The following ZBTB5 variants were observed in gnomAD, a reference collection of about 807,000 sequenced individuals.
The protein encoded by ZBTB5 is zinc finger and BTB domain-containing protein 5.
In ZBTB5, 15 loss-of-function variants were observed where a neutral mutation model predicts 37.9. The ratio of observed to expected loss-of-function variants is 0.40; its 90% CI spans 0.26 to 0.61. ZBTB5 has a LOEUF of 0.61. Among genes scored for constraint, ZBTB5 ranks in the 20% least tolerant of loss-of-function variants. The pLI, the probability that ZBTB5 is intolerant of heterozygous loss-of-function variation, is 0.47. For missense variants in ZBTB5, 708 were observed against 856.8 expected (o/e 0.83, Z 2.17); for synonymous variants, 315 against 312.4 (o/e 1.01, Z -0.09).
Position 37,451,388 on chromosome 9 carries a change from A to G in ZBTB5, c.-4-8833T>C, listed in dbSNP as rs145226873. ...TTGAGACCAGCCTGACCAACATGGC[A>G]AAACCCTGTCTCTACAAAAATTAGC... On this transcript the variant is annotated intron_variant, in intron 1 of 1. Coordinates refer to ENST00000307750, the MANE Select transcript of ZBTB5 (RefSeq NM_014872.3). 1.9e-3 allele frequency among the ~76,000 whole-genome samples: 294 copies of G among 152,016 alleles called. 2 individuals carry two copies. The highest frequency in any genetic ancestry group is 6.8e-3 in the African/African-American group (280 of 41,450).
intron 1 of ZBTB5, among the ~76,000 whole-genome samples, chr9:37,446,061 C>T (rs1210781036): frequency 6.6e-6 from 1 of 152,094 alleles, no homozygotes; most frequent in African/African-American, 2.4e-5. Context: ...GAGCAAAGAT[C>T]GCTGCACTGC....
intron 1 of ZBTB5, among the ~76,000 whole-genome samples, chr9:37,443,739 TG>T (rs1487907567): frequency 6.6e-6 from 1 of 152,166 alleles, no homozygotes; most frequent in Non-Finnish European, 1.5e-5. Context: ...GAGACAAGCC[TG>T]GGCAACAAGG....
intron 1 of ZBTB5, 83 bp from the exon 2 acceptor site, chr9:37,442,638 A>C (rs1823907496): frequency 8.7e-7 from 1 of 1,143,956 alleles, no homozygotes. Context: ...AAAAGAGTGG[A>C]ATGGATGGCC....
chr9:37,454,080 A>G (rs1433527720), intron 1 of ZBTB5, among the ~76,000 whole-genome samples: 1 of 152,210 alleles, frequency 6.6e-6, no homozygotes, highest in African/African-American at 2.4e-5. Flanking sequence ...ACAGTCAAAC[A>G]TGAAGTTCAA....
chr9:37,444,787 C>T (rs187065324), intron 1 of ZBTB5, among the ~76,000 whole-genome samples: 20 of 152,230 alleles, frequency 1.3e-4, no homozygotes, highest in Middle Eastern at 3.4e-3. Context: ...AAGGTTTATC[C>T]TTTCTCAGGA....
chr9:37,450,336 G>A (rs1248747131), intron 1 of ZBTB5, among the ~76,000 whole-genome samples: 1 of 152,080 alleles, frequency 6.6e-6, no homozygotes. Flanking sequence ...GTAAGTCTTT[G>A]TATCATTATA....
rs751638265 is a variant in ZBTB5, at chr9:37,442,559, C to T, written c.-4-4G>A. On this transcript the variant is annotated splice_polypyrimidine_tract_variant and splice_region_variant and intron_variant, in intron 1 of 1. Coordinates refer to ENST00000307750, the MANE Select transcript of ZBTB5 (RefSeq NM_014872.3). ...GTGACCAGGAAAATCCATGATCCTACAGAAAAACAAAGAAAGAAAATGTTA... is the reference window on the plus strand; with the variant it reads ...GTGACCAGGAAAATCCATGATCCTATAGAAAAACAAAGAAAGAAAATGTTA... 23 of 1,582,426 alleles carry T rather than the reference C, an allele frequency of 1.5e-5. No homozygotes were observed. Among genetic ancestry groups the T allele is most frequent in the Non-Finnish European group, 1.9e-5 (22 of 1,162,412 alleles).
chr9:37,454,026 A>C (rs1824146216), intron 1 of ZBTB5, among the ~76,000 whole-genome samples: 1 of 152,032 alleles, frequency 6.6e-6, no homozygotes, highest in South Asian at 2.1e-4. Flanking sequence ...GAGCCAGTGA[A>C]CTCCCCTTTT....
chr9:37,440,244 C>A lies in ZBTB5; in HGVS notation c.*274G>T, dbSNP rs1823835278. On this transcript the variant is annotated 3_prime_UTR_variant, in exon 2 of 2. Coordinates refer to ENST00000307750, the MANE Select transcript of ZBTB5 (RefSeq NM_014872.3). ...TCAATTTTTAAATTTTTAAATGTGC[C>A]ACTTTTAATATCAATTACAAACTAC... is the stretch of plus-strand genomic sequence containing the variant. 2 of 391,020 alleles carry A rather than the reference C, an allele frequency of 5.1e-6. No individual in the cohort carries two copies. The highest frequency in any genetic ancestry group is 2.1e-5 in the African/African-American group (1 of 48,776). The allele number at this position is 391,020 out of a possible 1,614,324, so 24.2% of individuals were successfully genotyped here. A position where few individuals can be genotyped will look rare whatever the true frequency, so the allele number is the denominator to read the frequency against.
rs1564310033 is a variant in ZBTB5 at position 37,442,291 on chromosome 9, G to A, written c.261C>T (p.Ser87=). 2 of 1,614,204 alleles carry A rather than the reference G, an allele frequency of 1.2e-6. No individual in the cohort carries two copies. Among genetic ancestry groups the A allele is most frequent in the South Asian group, 2.2e-5 (2 of 91,088 alleles). ...CATTGCTCTCCCCCAGCATGAGGGTGGAGGTATACATCATGTCAATCAGTG... is the reference window on the plus strand; with the variant it reads ...CATTGCTCTCCCCCAGCATGAGGGTAGAGGTATACATCATGTCAATCAGTG... ...FAALIDMMYT[S]TLMLGESNVM... Residue 87 remains serine (S), a synonymous_variant, in exon 2 of 2, where the codon TCC becomes TCT. Transcript: ENST00000307750.
At chr9:37,458,866 T>G (rs549205162) in intron 1 of ZBTB5, among the ~76,000 whole-genome samples, 22 of 152,350 alleles carry the variant, frequency 1.4e-4, no homozygotes, top group Admixed American at 2.6e-4. Context: ...TGTATTTTAA[T>G]GCAACAGAAT....
chr9:37,446,763 T>C (rs907594792), intron 1 of ZBTB5, among the ~76,000 whole-genome samples: 3 of 152,210 alleles, frequency 2.0e-5, no homozygotes, highest in African/African-American at 7.2e-5. Flanking sequence ...TTAAACAAAA[T>C]GCAATTACTG....
At chr9:37,449,992 T>C (rs1394494744) in intron 1 of ZBTB5, among the ~76,000 whole-genome samples, 1 of 152,016 alleles carries the variant, frequency 6.6e-6, no homozygotes, top group African/African-American at 2.4e-5. Flanking sequence ...ATTTGCATAA[T>C]AAGATTAGGG....
chr9:37,449,523 C>T (rs1025583341), intron 1 of ZBTB5, among the ~76,000 whole-genome samples: 3 of 151,854 alleles, frequency 2.0e-5, no homozygotes, highest in South Asian at 2.1e-4. Context: ...CATGGTGAAA[C>T]CCTGCCTCTA....
At chr9:37,464,290 T>C (rs1824347903) in intron 1 of ZBTB5, among the ~76,000 whole-genome samples, 2 of 152,188 alleles carry the variant, frequency 1.3e-5, no homozygotes, top group East Asian at 1.9e-4. Flanking sequence ...AAGTGAAAAA[T>C]ATGAGAACAT....
At chr9:37,464,943 C>A (rs1359825899) in intron 1 of ZBTB5, among the ~76,000 whole-genome samples, 1 of 152,236 alleles carries the variant, frequency 6.6e-6, no homozygotes, top group Non-Finnish European at 1.5e-5. Context: ...CGGGAACCTA[C>A]GTCGCCAGCC....
intron 1 of ZBTB5, among the ~76,000 whole-genome samples, chr9:37,449,081 A>G (rs912647343): frequency 1.3e-5 from 2 of 152,122 alleles, no homozygotes; most frequent in Admixed American, 6.5e-5. Flanking sequence ...ACATGTTAAC[A>G]TAACATTTTA....
intron 1 of ZBTB5, among the ~76,000 whole-genome samples, chr9:37,453,859 G>A (rs1019243621): frequency 2.1e-4 from 32 of 152,312 alleles, no homozygotes; most frequent in Non-Finnish European, 7.3e-5. Flanking sequence ...CAAACTGTGA[G>A]GGAGTTATAA....
At chr9:37,442,972 A>G (rs767452667) in intron 1 of ZBTB5, among the ~76,000 whole-genome samples, 1 of 152,212 alleles carries the variant, frequency 6.6e-6, no homozygotes, top group African/African-American at 2.4e-5. Flanking sequence ...GGGCAAATCA[A>G]TATTAGTGTG....
Sources: allele counts gnomAD v4.1 joint callset (sites outside exome capture counted in the v4.1 genomes callset), GRCh38; gene constraint gnomAD v4.1.1; transcripts MANE v1.5; gene names NCBI Gene and HGNC (gene_info 2026-07-23, HGNC 2026-07-21).